HELLS: variants seen among roughly 807,000 people sequenced by gnomAD.
HELLS encodes helicase, lymphoid specific.
Under a neutral mutation model 120.0 loss-of-function variants are expected in HELLS, and 32 were observed. That is an observed-to-expected ratio of 0.27 (90% confidence interval 0.20 to 0.36). HELLS has a LOEUF of 0.36. Ranked by LOEUF, HELLS falls within the 10% of genes least tolerant of loss-of-function variation. The pLI is 1.00. For synonymous variants in HELLS, 341 were observed against 323.4 expected, an observed-to-expected ratio of 1.05 and a Z score of -0.58; for missense variants, 650 against 993.4, an observed-to-expected ratio of 0.65 and a Z score of 4.65.
intron 12 of HELLS, among the ~76,000 whole-genome samples, chr10:94,586,456 A>G (rs958811502): frequency 6.6e-5 from 10 of 151,886 alleles, no homozygotes; most frequent in Middle Eastern, 3.4e-3. Context: ...ACATTTACAT[A>G]TTTTTCCTGA....
At chr10:94,577,156 C>G in intron 10 of HELLS, 1 of 399,786 alleles carries the variant, frequency 2.5e-6, no homozygotes, top group Non-Finnish European at 4.8e-6. Flanking sequence ...TATTTGAAGA[C>G]AAGTTATTTT....
intron 2 of HELLS, among the ~76,000 whole-genome samples, chr10:94,549,471 T>C (rs982862138): frequency 3.3e-5 from 5 of 152,198 alleles, no homozygotes; most frequent in Non-Finnish European, 7.3e-5. Context: ...TCATTGTTAG[T>C]CTAGGAGATT....
chr10:94,567,746 A>C (rs1011164307), intron 6 of HELLS, among the ~76,000 whole-genome samples: 3 of 152,074 alleles, frequency 2.0e-5, no homozygotes, highest in African/African-American at 7.2e-5. Flanking sequence ...TCTCTACAAA[A>C]AGAAATACAG....
In HELLS at chr10:94,553,389, C is replaced by T. The variant is rs531396291; in HGVS notation, c.154-737C>T. ...TCAGCCTCCTGAGTAGCTGGGACTA[C>T]AGGCATGCGCCACCACGTCCTGCTA... On this transcript the variant is annotated intron_variant, in intron 2 of 21. Coordinates refer to ENST00000348459, the MANE Select transcript of HELLS (RefSeq NM_018063.5). Among the ~76,000 whole-genome samples, 5 of 151,964 alleles carry T rather than the reference C, an allele frequency of 3.3e-5. No homozygotes were observed. The East Asian group carries it at 9.7e-4, about 29-fold the overall frequency.
At chr10:94,575,771 T>TTGTGTGTGTG (rs71031588) in intron 9 of HELLS, among the ~76,000 whole-genome samples, 2 of 122,770 alleles carry the variant, frequency 1.6e-5, no homozygotes, top group African/African-American at 6.2e-5. Context: ...GGGGTTGTGT[T>TTGTGTGTGTG]TGTGTGTGTG....
intron 10 of HELLS, among the ~76,000 whole-genome samples, chr10:94,579,294 A>G (rs994135224): frequency 7.0e-6 from 1 of 143,340 alleles, no homozygotes; most frequent in African/African-American, 2.6e-5. Context: ...TCCACCTCCC[A>G]GGTTCACACC....
In HELLS at chr10:94,566,995, CT is replaced by C. The variant is rs1009012770; in HGVS notation, c.435+4120del. Among the ~76,000 whole-genome samples, 10 of 152,088 alleles carry C rather than the reference CT, an allele frequency of 6.6e-5. 1 individual carries two copies. Among genetic ancestry groups the C allele is most frequent in the Admixed American group, 6.6e-4 (10 of 15,260 alleles). On this transcript the variant is annotated intron_variant, in intron 6 of 21. Transcript: ENST00000348459. ...TTTCATTTACTGTTACTTCTTTCTT[CT>C]GTATATTTACTGAATTTCCTGCTCT...
At chr10:94,576,545 T>A in intron 9 of HELLS, 117 bp from the exon 10 acceptor site, 1 of 539,660 alleles carries the variant, frequency 1.9e-6, no homozygotes, top group East Asian at 3.2e-5. Context: ...TATAGAAAAA[T>A]AGAAATAAAA....
chr10:94,609,967 G>GAGGC (rs1465351357), exon 10 of HELLS: 10 of 152,184 alleles, frequency 6.6e-5, no homozygotes, highest in Non-Finnish European at 1.5e-4. Context: ...GACCTGAAGA[G>GAGGC]AGGCATCCAG....
In HELLS at chr10:94,562,556, A is replaced by G. The variant is rs17110134; in HGVS notation, c.334-135A>G. ...TACAGAAAAATATTACATGTAGGTA[A>G]GTATAATAGTGAAAAATTGTGGATG... is the stretch of plus-strand genomic sequence containing the variant. On this transcript the variant is annotated intron_variant, in intron 4 of 21. Coordinates refer to ENST00000348459, the MANE Select transcript of HELLS (RefSeq NM_018063.5). 115 of 566,152 alleles carry G rather than the reference A, an allele frequency of 2.0e-4. 1 individual carries two copies. In the East Asian group the frequency reaches 2.3e-3, roughly 11 times the overall value. The allele number at this position is 566,152 out of a possible 1,614,324, so 35.1% of individuals were successfully genotyped here. A position where few individuals can be genotyped will look rare whatever the true frequency, so the allele number is the denominator to read the frequency against.
At chr10:94,609,128 A>G (rs193139211) in intron 9 of HELLS, among the ~76,000 whole-genome samples, 2 of 143,936 alleles carry the variant, frequency 1.4e-5, no homozygotes, top group African/African-American at 2.6e-5. Flanking sequence ...GGTTCAAGCG[A>G]TTCTCCTGCC....
intron 3 of HELLS, among the ~76,000 whole-genome samples, chr10:94,556,496 C>T (rs988862596): frequency 6.6e-6 from 1 of 152,032 alleles, no homozygotes; most frequent in African/African-American, 2.4e-5. Flanking sequence ...TTAAAATGTA[C>T]AATTCCCTAA....
At chr10:94,570,765 T>C (rs934827428) in intron 6 of HELLS, 1 of 152,172 alleles carries the variant, frequency 6.6e-6, no homozygotes, top group African/African-American at 2.4e-5. Flanking sequence ...TTTAATTTTT[T>C]CTGTCTTTGC....
At chr10:94,571,174 T>C in intron 6 of HELLS, 1 of 375,678 alleles carries the variant, frequency 2.7e-6, no homozygotes, top group Non-Finnish European at 4.8e-6. Flanking sequence ...AAATATCCCA[T>C]TGTATAAGTG....
chr10:94,587,561 G>A (rs918459670), intron 12 of HELLS, among the ~76,000 whole-genome samples: 4 of 152,062 alleles, frequency 2.6e-5, no homozygotes, highest in Non-Finnish European at 5.9e-5. Context: ...TTGAGTAGCT[G>A]GGATTACAGG....
rs558095954 is a variant in HELLS at position 94,565,898 on chromosome 10, G to T, written c.435+3022G>T. Among the ~76,000 whole-genome samples, 9 of 145,778 alleles carry T rather than the reference G, an allele frequency of 6.2e-5. No homozygotes were observed. In the South Asian group the frequency reaches 2.0e-3, roughly 32 times the overall value. ...ATAGGAGTAAGTAGTCAATGAAATT[G>T]AATTTTTTTTTTTTTGAGACAGTGT... On this transcript the variant is annotated intron_variant, in intron 6 of 21. Coordinates refer to ENST00000348459, the MANE Select transcript of HELLS (RefSeq NM_018063.5).
chr10:94,575,901 G>T (rs1589734158), intron 9 of HELLS, among the ~76,000 whole-genome samples: 1 of 151,924 alleles, frequency 6.6e-6, no homozygotes, highest in East Asian at 1.9e-4. Context: ...GGGTTCAAGC[G>T]ATTCTCCTGT....
At position 94,546,225 on chromosome 10, in the gene HELLS, T is replaced by TA. The variant is rs910730240; in HGVS notation, c.32-151dup. On this transcript the variant is annotated intron_variant, in intron 1 of 21. Transcript: ENST00000348459. Reference sequence around the variant, plus strand: ...GCGACTTGTAGACATTGTGAAGACTTACGGTGTCTTCTGAGAGGTGATGCT... The same window carrying TA: ...GCGACTTGTAGACATTGTGAAGACTTAACGGTGTCTTCTGAGAGGTGATGCT... The TA allele has an allele frequency of 2.4e-5, 22 of 912,126 alleles. No individual in the cohort carries two copies. In the Admixed American group the frequency reaches 5.0e-4, roughly 21 times the overall value. 56.5% of individuals were successfully genotyped at this position (912,126 alleles called of 1,614,324 possible). A position where few individuals can be genotyped will look rare whatever the true frequency, so the allele number is the denominator to read the frequency against.
At chr10:94,593,327 G>A (rs1416176027) in intron 17 of HELLS, among the ~76,000 whole-genome samples, 172 bp from the exon 18 acceptor site, 1 of 152,172 alleles carries the variant, frequency 6.6e-6, no homozygotes, top group Non-Finnish European at 1.5e-5. Context: ...GTGCTTGGAC[G>A]ATAAAGCTAA....
Sources: gnomAD v4.1 joint callset for allele counts (sites outside exome capture counted in the v4.1 genomes callset) on GRCh38, gnomAD v4.1.1 for gene constraint, MANE v1.5 for transcripts, NCBI Gene and HGNC (gene_info 2026-07-23, HGNC 2026-07-21) for gene names.